Variants in RRM2 observed in about 807,000 individuals in gnomAD.
RRM2 encodes ribonucleoside-diphosphate reductase subunit M2.
A neutral mutation model predicts 45.9 loss-of-function variants in RRM2; 6 were observed. The observed-to-expected ratio is 0.13, with a 90% CI of 0.07 to 0.26. The LOEUF (loss-of-function observed/expected upper bound fraction) is 0.26. RRM2 is among the 10% of genes least tolerant of loss of function. The pLI, the probability that RRM2 is intolerant of heterozygous loss-of-function variation, is 1.00. For missense variants in RRM2, 343 were observed against 489.5 expected (o/e 0.70, Z 2.82); for synonymous variants, 177 against 173.0 (o/e 1.02, Z -0.18).
At chr2:10,155,526 A>C (rs1041211871) in intron 3 of RRM2, 1 of 152,336 alleles carries the variant, frequency 6.6e-6, no homozygotes, top group Non-Finnish European at 1.5e-5. Flanking sequence ...TTTCGTTACT[A>C]TGAAATGAGG....
intron 3 of RRM2, among the ~76,000 whole-genome samples, chr2:10,145,355 C>T (rs143391609): frequency 2.2e-4 from 33 of 152,176 alleles, no homozygotes; most frequent in African/African-American, 7.5e-4. Flanking sequence ...TACATAGAGA[C>T]CTAGTGTGCA....
chr2:10,126,579 A>G (rs1023464826), intron 5 of RRM2: 1 of 324,636 alleles, frequency 3.1e-6, no homozygotes, highest in Non-Finnish European at 5.6e-6. Context: ...TAAAGGCAAC[A>G]AATGTCCCTG....
chr2:10,135,929 G>T (rs117402452), downstream of RRM2, among the ~76,000 whole-genome samples: 294 of 152,058 alleles, frequency 1.9e-3, 1 homozygote, highest in East Asian at 0.023. Flanking sequence ...GCGGGTTATT[G>T]TCTTGGTGCT....
At chr2:10,179,229 C>T (rs185231172) in intron 3 of RRM2, among the ~76,000 whole-genome samples, 7 of 152,156 alleles carry the variant, frequency 4.6e-5, no homozygotes, top group East Asian at 3.9e-4. Flanking sequence ...CTCAGCTCAC[C>T]GCAACCTCCA....
intron 3 of RRM2, among the ~76,000 whole-genome samples, chr2:10,189,177 C>A (rs558742800): frequency 6.6e-6 from 1 of 152,254 alleles, no homozygotes; most frequent in Non-Finnish European, 1.5e-5. Context: ...CCCACCTGGC[C>A]GAGGAGGTGC....
chr2:10,129,217 G>C lies in RRM2; in HGVS notation c.1018-17G>C. ...AGCTGGTGCTCTGTATTTATATCTT[G>C]ATGTGAACCTTTTCAGGTTTTCAGA... On this transcript the variant is annotated splice_polypyrimidine_tract_variant and intron_variant, in intron 9 of 9. Coordinates refer to ENST00000304567, the MANE Select transcript of RRM2 (RefSeq NM_001034.4). The surrounding 1 kb of genome is among the most constrained non-coding windows in gnomAD (Gnocchi z 4.8). The C allele has an allele frequency of 6.2e-7, 1 of 1,613,716 alleles. No individual in the cohort carries two copies. The highest frequency in any genetic ancestry group is 8.5e-7 in the Non-Finnish European group (1 of 1,179,796).
chr2:10,123,237 T>C, intron 2 of RRM2, 150 bp from the exon 3 acceptor site: 1 of 1,291,112 alleles, frequency 7.7e-7, no homozygotes, highest in South Asian at 1.5e-5. Flanking sequence ...CGTGCGCTCC[T>C]CTGCTGCGAC....
intron 3 of RRM2, among the ~76,000 whole-genome samples, chr2:10,178,564 C>T (rs939323067): frequency 6.6e-6 from 1 of 152,188 alleles, no homozygotes; most frequent in Non-Finnish European, 1.5e-5. Context: ...TACCCCCAGC[C>T]TCTGGCAACC....
chr2:10,157,346 T>A (rs1663453006), intron 3 of RRM2, among the ~76,000 whole-genome samples: 1 of 152,198 alleles, frequency 6.6e-6, no homozygotes. Context: ...GACATTTTTT[T>A]AAACTAAATT....
At chr2:10,165,897 C>A (rs1487053770) in intron 3 of RRM2, among the ~76,000 whole-genome samples, 2 of 152,222 alleles carry the variant, frequency 1.3e-5, no homozygotes, top group South Asian at 4.1e-4. Context: ...CTTCACAGAT[C>A]TTTTGCTGAG....
chr2:10,157,887 C>T (rs1039776938), intron 3 of RRM2, among the ~76,000 whole-genome samples: 1 of 152,142 alleles, frequency 6.6e-6, no homozygotes, highest in African/African-American at 2.4e-5. Context: ...CCTTCCATGG[C>T]GTAACCTAGT....
intron 3 of RRM2, 76 bp downstream of exon 3, chr2:10,123,606 G>T (rs1662717234): frequency 6.5e-7 from 1 of 1,549,366 alleles, no homozygotes; most frequent in Admixed American, 2.0e-5. Context: ...GGAGGTTCCC[G>T]TTGGCAAGGG....
intron 3 of RRM2, among the ~76,000 whole-genome samples, chr2:10,177,986 AT>A (rs1378219767): frequency 2.7e-5 from 4 of 148,572 alleles, no homozygotes; most frequent in Middle Eastern, 3.2e-3. Flanking sequence ...CAGTGGCGCG[AT>A]CTCGGCTCAC....
rs149796092 is a variant in RRM2 at position 10,155,432 on chromosome 2, G to A, written n.482+13057G>A. Among the ~76,000 whole-genome samples the A allele has an allele frequency of 2.2e-4, 34 of 152,240 alleles. No homozygotes were observed. The East Asian group carries it at 5.0e-3, about 23-fold the overall frequency. ...CAGCCGGTGAGCCAGGGGGCAGCCC[G>A]GAGGGAGGAGTGGAGGGGATGTGGG... On this transcript the variant is annotated intron_variant and non_coding_transcript_variant, in intron 3 of 3. Coordinates refer to the RRM2 transcript ENST00000381786.
intron 3 of RRM2, chr2:10,199,189 G>T (rs1025014685): frequency 2.1e-5 from 3 of 143,414 alleles, no homozygotes; most frequent in Non-Finnish European, 4.5e-5. Flanking sequence ...CTGCCTCAGA[G>T]GCCCAGAGGC....
rs921569628 is a variant in RRM2 at position 10,172,040 on chromosome 2, G to A, written n.482+29665G>A. On this transcript the variant is annotated intron_variant and non_coding_transcript_variant, in intron 3 of 3. Transcript: ENST00000381786. This position sits in a 1 kb window ranked among gnomAD's most constrained non-coding sequence, Gnocchi z 4.9. ...GCCGGGCCAGCGCCCAAGGATGAGGGGAAGCACAGCTCCTTTGGGGTCTGC... is the reference window on the plus strand; with the variant it reads ...GCCGGGCCAGCGCCCAAGGATGAGGAGAAGCACAGCTCCTTTGGGGTCTGC... 6.6e-6 allele frequency among the ~76,000 whole-genome samples: 1 copy of A among 152,192 alleles called. No homozygotes were observed. The highest frequency in any genetic ancestry group is 1.5e-5 in the Non-Finnish European group (1 of 68,044).
At chr2:10,135,335 C>G (rs921159024), downstream of RRM2, among the ~76,000 whole-genome samples, 1 of 152,140 alleles carries the variant, frequency 6.6e-6, no homozygotes, top group Non-Finnish European at 1.5e-5. Context: ...ACAAATGGAA[C>G]TAGAATAATG....
chr2:10,176,139 A>C (rs1203756429), intron 3 of RRM2, among the ~76,000 whole-genome samples: 1 of 152,232 alleles, frequency 6.6e-6, no homozygotes, highest in Non-Finnish European at 1.5e-5. Flanking sequence ...CATCTGCCCA[A>C]GTTTTAGACA....
intron 3 of RRM2, among the ~76,000 whole-genome samples, chr2:10,177,921 C>CTT (rs1314547237): frequency 1.4e-5 from 2 of 141,558 alleles, no homozygotes; most frequent in Non-Finnish European, 3.1e-5. Context: ...TGCGCTCAAG[C>CTT]TTTTTTTTTT....
Sources: gnomAD v4.1 joint callset for allele counts (sites outside exome capture counted in the v4.1 genomes callset) on GRCh38, gnomAD v4.1.1 for gene constraint, Gnocchi (gnomAD v3.1) non-coding constraint, MANE v1.5 for transcripts, NCBI Gene and HGNC (gene_info 2026-07-23, HGNC 2026-07-21) for gene names.